The following NWD1 variants were observed in gnomAD, a reference collection of about 807,000 sequenced individuals.
NWD1 encodes NACHT domain- and WD repeat-containing protein 1.
A neutral mutation model predicts 135.1 loss-of-function variants in NWD1; 129 were observed. That is an observed-to-expected ratio of 0.96 (90% confidence interval 0.83 to 1.11). The LOEUF (loss-of-function observed/expected upper bound fraction) is 1.11, where lower values mean the gene tolerates loss of function less well. Ranked by LOEUF, NWD1 falls within the 50% of genes least tolerant of loss-of-function variation. NWD1 has a pLI of 0.00. For synonymous variants in NWD1, 773 were observed against 786.0 expected (o/e 0.98, Z 0.28); for missense variants, 1,740 against 1,851.3 (o/e 0.94, Z 1.10).
intron 6 of NWD1, among the ~76,000 whole-genome samples, 194 bp from the exon 7 acceptor site, chr19:16,759,031 A>T (rs962813514): frequency 7.2e-6 from 1 of 138,692 alleles, no homozygotes; most frequent in Non-Finnish European, 1.6e-5. Context: ...AAAAAAAAAA[A>T]TCGGAAAAGG....
In NWD1 at chr19:16,789,020, C is replaced by G. The variant is rs1416596882; in HGVS notation, c.2770C>G (p.Leu924Val). 6.2e-7 allele frequency: 1 copy of G among 1,612,320 alleles called. No homozygotes were observed. Among genetic ancestry groups the G allele is most frequent in the African/African-American group, 1.3e-5 (1 of 74,842 alleles). Residue 924 changes from leucine to valine, a missense_variant, in exon 13 of 19, where the codon CTC (leucine) becomes GTC (valine). By Grantham distance (32) the Leu-to-Val change is conservative (BLOSUM62 1). Coordinates refer to ENST00000524140, the MANE Select transcript of NWD1 (RefSeq NM_001007525.5). ...RCVKIFAKGT[L>V]ANSASKDYTL... Reference sequence around the variant, plus strand: ...TGTGAAAATATTTGCCAAAGGGACCCTCGCCAACTCTGCTTCAAAGGATTA... The same window carrying G: ...TGTGAAAATATTTGCCAAAGGGACCGTCGCCAACTCTGCTTCAAAGGATTA...
chr19:16,808,098 C>T lies in NWD1; in HGVS notation c.4249C>T (p.Leu1417=). 6.2e-7 allele frequency: 1 copy of T among 1,614,056 alleles called. No homozygotes were observed. The highest frequency in any genetic ancestry group is 8.5e-7 in the Non-Finnish European group (1 of 1,180,012). The stretch of plus-strand genomic sequence containing the variant: ...GGATGCCCTGCTGTGTCTCTGGGAC[C>T]TGCAGGCACGCAAGTGGAAATTCGA... The part of the protein sequence containing the change: ...SEDALLCLWD[L]QARKWKFEMS... Residue 1417 remains leucine (L), a synonymous_variant, in exon 18 of 19, where the codon CTG becomes TTG. Coordinates refer to ENST00000524140, the MANE Select transcript of NWD1 (RefSeq NM_001007525.5).
Position 16,744,486 on chromosome 19 carries a change from G to A in NWD1, c.264G>A (p.Glu88=), listed in dbSNP as rs1375256396. The change falls in exon 5 of 19, where the codon GAG becomes GAA. Residue 88 remains glutamate, a synonymous_variant. Coordinates refer to ENST00000524140, the MANE Select transcript of NWD1 (RefSeq NM_001007525.5). ...IPSRIDEKEW[E]VLRDHLTARP... is the part of the protein sequence containing the mutation. ...CGCGGATCGATGAGAAGGAGTGGGA[G>A]GTATTGAGGGACCATCTGACTGCCA... The A allele has an allele frequency of 3.9e-6, 6 of 1,535,664 alleles. No homozygotes were observed. In the South Asian group the frequency reaches 5.9e-5, roughly 15 times the overall value.
At chr19:16,753,799 ATCCC>A (rs757356017) in intron 6 of NWD1, among the ~76,000 whole-genome samples, 12 of 150,964 alleles carry the variant, frequency 7.9e-5, no homozygotes, top group East Asian at 2.0e-4. Context: ...CCATCCATCA[ATCCC>A]TCCCTCCCTC....
chr19:16,779,421 A>C lies in NWD1; in HGVS notation c.2687A>C (p.Asp896Ala). The C allele has an allele frequency of 6.2e-7, 1 of 1,613,696 alleles. No homozygotes were observed. Among genetic ancestry groups the C allele is most frequent in the Middle Eastern group, 1.6e-4 (1 of 6,062 alleles). ...GTQDGIMAVW[D>A]MEEQHVIHML... ...CAGGATGGCATCATGGCTGTGTGGGACATGGAAGAGCAGCATGTGATCCAC... is the reference window on the plus strand; with the variant it reads ...CAGGATGGCATCATGGCTGTGTGGGCCATGGAAGAGCAGCATGTGATCCAC... Residue 896 changes from aspartate to alanine, a missense_variant, in exon 12 of 19, where the codon GAC (aspartate) becomes GCC (alanine). Physicochemically the swap from Asp to Ala is moderately radical, Grantham distance 126. Coordinates refer to ENST00000524140, the MANE Select transcript of NWD1 (RefSeq NM_001007525.5).
In NWD1 at chr19:16,773,952, A is replaced by T. The variant is rs113004962; in HGVS notation, c.2608+629A>T. On this transcript the variant is annotated intron_variant, in intron 11 of 18. Coordinates refer to ENST00000524140, the MANE Select transcript of NWD1 (RefSeq NM_001007525.5). ...CATCCATCCATCTATCCATCCATCC[A>T]TCCATCCATCCATCCATCCATCCAT... 3.0e-5 allele frequency among the ~76,000 whole-genome samples: 3 copies of T among 100,396 alleles called. No homozygotes were observed. In the African/African-American group the frequency reaches 3.5e-4, roughly 12 times the overall value. The allele number at this position is 100,396 out of a possible 152,430, so 65.9% of individuals were successfully genotyped here. A position where few individuals can be genotyped will look rare whatever the true frequency, so the allele number is the denominator to read the frequency against.
At chr19:16,783,577 T>G (rs1050478782) in intron 12 of NWD1, among the ~76,000 whole-genome samples, 2 of 151,048 alleles carry the variant, frequency 1.3e-5, no homozygotes, top group African/African-American at 4.9e-5. Context: ...GAGGTTGCAG[T>G]GAGCCGAGAT....
At chr19:16,721,992 A>G (rs1328887438) in intron 1 of NWD1, among the ~76,000 whole-genome samples, 1 of 152,044 alleles carries the variant, frequency 6.6e-6, no homozygotes, top group Non-Finnish European at 1.5e-5. Context: ...ACATGCCTAT[A>G]GTTCCAGCTA....
At chr19:16,742,248 G>A (rs895890174) in intron 4 of NWD1, among the ~76,000 whole-genome samples, 6 of 151,856 alleles carry the variant, frequency 4.0e-5, no homozygotes, top group African/African-American at 7.3e-5. Context: ...GGTGGCTCAC[G>A]CCTGTAATCC....
chr19:16,784,318 A>G (rs1199271126), intron 12 of NWD1, among the ~76,000 whole-genome samples: 1 of 152,008 alleles, frequency 6.6e-6, no homozygotes, highest in Non-Finnish European at 1.5e-5. Context: ...GTGGGCTGTG[A>G]TTGCATTACT....
At chr19:16,803,317 T>C (rs192167371) in intron 17 of NWD1, among the ~76,000 whole-genome samples, 176 of 152,108 alleles carry the variant, frequency 1.2e-3, no homozygotes, top group African/African-American at 4.0e-3. Flanking sequence ...TAGTCCTTCA[T>C]AGCAACACCA....
rs546743946 is a variant in NWD1 at position 16,766,554 on chromosome 19, G to A, written c.2410+1362G>A. ...TCTGGCCATGAGGATGTTCTGTTTG[G>A]TTTTGTTTTAATTATAGCAAAATAC... On this transcript the variant is annotated intron_variant, in intron 10 of 18. Coordinates refer to ENST00000524140, the MANE Select transcript of NWD1 (RefSeq NM_001007525.5). Among the ~76,000 whole-genome samples the A allele has an allele frequency of 2.1e-4, 23 of 109,034 alleles. No individual in the cohort carries two copies. The East Asian group carries it at 3.1e-3, about 15-fold the overall frequency. 71.5% of individuals were successfully genotyped at this position (109,034 alleles called of 152,430 possible). A position where few individuals can be genotyped will look rare whatever the true frequency, so the allele number is the denominator to read the frequency against.
chr19:16,744,051 A>G (rs1312273484), intron 4 of NWD1, among the ~76,000 whole-genome samples: 14 of 152,120 alleles, frequency 9.2e-5, no homozygotes, highest in Non-Finnish European at 1.2e-4. Flanking sequence ...AGGACCCACA[A>G]AAGCAGCTAG....
At chr19:16,788,232 AAATAAT>A (rs200511332) in intron 12 of NWD1, among the ~76,000 whole-genome samples, 26,541 of 115,026 alleles carry the variant, frequency 0.23, 3,258 homozygotes, top group Non-Finnish European at 0.28. Context: ...CTTCATCTCA[AAATAAT>A]AATAATAATA....
chr19:16,725,121 C>T (rs768886382), intron 2 of NWD1, among the ~76,000 whole-genome samples: 5 of 151,276 alleles, frequency 3.3e-5, no homozygotes, highest in Non-Finnish European at 7.4e-5. Context: ...TCACGCAATT[C>T]CCATGCCTCA....
Position 16,767,318 on chromosome 19 carries a change from A to T in NWD1, c.2410+2126A>T, listed in dbSNP as rs532988841. Among the ~76,000 whole-genome samples the T allele has an allele frequency of 1.5e-3, 235 of 152,066 alleles. 2 individuals carry two copies. Among genetic ancestry groups the T allele is most frequent in the African/African-American group, 5.4e-3 (224 of 41,500 alleles). ...GCGAGAGAGAGGGAGCAACTGCCTT[A>T]TAAAACCATCGGACGGCCAGGTGTG... On this transcript the variant is annotated intron_variant, in intron 10 of 18. Transcript: ENST00000524140.
rs1971073259 is a variant in NWD1 at position 16,816,587 on chromosome 19, T to G, written c.*1548T>G. ...CCTTGTGCAAGTTCAACAGTCAAAC[T>G]GTTTTCATTCCACTTAAGTGGATCT... On this transcript the variant is annotated 3_prime_UTR_variant, in exon 19 of 19. Coordinates refer to ENST00000524140, the MANE Select transcript of NWD1 (RefSeq NM_001007525.5). 6.6e-6 allele frequency: 1 copy of G among 152,228 alleles called. No individual in the cohort carries two copies. The highest frequency in any genetic ancestry group is 2.4e-5 in the African/African-American group (1 of 41,464). The allele number at this position is 152,228 out of a possible 1,614,324, so 9.4% of individuals were successfully genotyped here.
chr19:16,764,992 G>T (rs767608030), intron 9 of NWD1, 42 bp from the exon 10 acceptor site: 1 of 1,606,812 alleles, frequency 6.2e-7, no homozygotes, highest in South Asian at 1.1e-5. Flanking sequence ...GAACTGGAGG[G>T]AGGTAGGCAC....
intron 7 of NWD1, 122 bp downstream of exon 7, chr19:16,759,550 A>G: frequency 2.8e-6 from 2 of 715,956 alleles, no homozygotes; most frequent in South Asian, 1.7e-5. Flanking sequence ...AATCAAGTCC[A>G]GTTAGAACTC....
Sources: allele counts gnomAD v4.1 joint callset (sites outside exome capture counted in the v4.1 genomes callset), GRCh38; gene constraint gnomAD v4.1.1; transcripts MANE v1.5; gene names NCBI Gene and HGNC (gene_info 2026-07-23, HGNC 2026-07-21).